The following TOMM70 variants were observed in gnomAD, a reference collection of about 807,000 sequenced individuals.
TOMM70 encodes mitochondrial import receptor subunit TOM70.
In TOMM70, 13 loss-of-function variants were observed where a neutral mutation model predicts 73.6. That is an observed-to-expected ratio of 0.18 (90% CI 0.11 to 0.28). The LOEUF (loss-of-function observed/expected upper bound fraction) is 0.28, where lower values mean the gene tolerates loss of function less well. Among genes scored for constraint, TOMM70 ranks in the 10% least tolerant of loss-of-function variants. TOMM70 has a pLI of 1.00. For missense variants in TOMM70, 609 were observed against 747.5 expected, an observed-to-expected ratio of 0.81 and a Z score of 2.16; for synonymous variants, 257 against 271.2, an observed-to-expected ratio of 0.95 and a Z score of 0.51.
intron 1 of TOMM70, among the ~76,000 whole-genome samples, chr3:100,391,516 A>AT (rs1302008301): frequency 3.3e-5 from 5 of 151,892 alleles, no homozygotes; most frequent in Non-Finnish European, 5.9e-5. Flanking sequence ...AAAAAAAAAA[A>AT]TTTTTTTAAT....
intron 1 of TOMM70, among the ~76,000 whole-genome samples, chr3:100,390,111 CATTAAA>C (rs1319524113): frequency 4.6e-5 from 7 of 152,082 alleles, no homozygotes; most frequent in East Asian, 1.9e-4. Context: ...GACAAAAGGT[CATTAAA>C]GTTAAAGACA....
At chr3:100,374,249 C>T (rs552439545) in intron 7 of TOMM70, among the ~76,000 whole-genome samples, 10 of 152,282 alleles carry the variant, frequency 6.6e-5, no homozygotes, top group Admixed American at 2.6e-4. Context: ...ATGCTATACA[C>T]GTTTGTAGCT....
chr3:100,391,233 A>C (rs993874487), intron 1 of TOMM70, among the ~76,000 whole-genome samples: 1 of 152,230 alleles, frequency 6.6e-6, no homozygotes. Context: ...TGTTTACTAT[A>C]CATATACTAT....
chr3:100,390,729 T>TGG (rs1418538993), intron 1 of TOMM70, among the ~76,000 whole-genome samples: 3 of 151,974 alleles, frequency 2.0e-5, no homozygotes, highest in African/African-American at 7.3e-5. Flanking sequence ...CTCAGAAGGC[T>TGG]GAGTCAGGAG....
intron 9 of TOMM70, among the ~76,000 whole-genome samples, chr3:100,370,425 T>G (rs1395117616): frequency 1.3e-5 from 2 of 152,194 alleles, no homozygotes; most frequent in Non-Finnish European, 2.9e-5. Context: ...CTGTTAACAT[T>G]TAGGATTTTC....
chr3:100,368,313 G>GT (rs922063538), intron 10 of TOMM70, 147 bp from the exon 11 acceptor site: 113 of 1,001,852 alleles, frequency 1.1e-4, no homozygotes, highest in Admixed American at 2.3e-4. Context: ...ATCAAATTGT[G>GT]TTTTTTTTCT....
rs756203690 is a variant in TOMM70, at chr3:100,400,681, G to C, written c.269C>G (p.Ala90Gly). Residue 90 changes from alanine (A) to glycine (G), a missense_variant, in exon 1 of 12, where the codon GCC becomes GGC. Transcript: ENST00000284320. Reference protein sequence around the residue: ...NSERKTPEGRASPAPGSGHPE... With the variant: ...NSERKTPEGRGSPAPGSGHPE... ...GTGTCCGCTGCCCGGGGCCGGACTGGCCCTGCCCTCCGGGGTCTTCCGTTC... is the reference window on the plus strand; with the variant it reads ...GTGTCCGCTGCCCGGGGCCGGACTGCCCCTGCCCTCCGGGGTCTTCCGTTC... The C allele has an allele frequency of 6.2e-7, 1 of 1,612,198 alleles. No homozygotes were observed. The highest frequency in any genetic ancestry group is 8.5e-7 in the Non-Finnish European group (1 of 1,179,720).
chr3:100,393,162 G>C (rs1706782055), intron 1 of TOMM70, among the ~76,000 whole-genome samples: 2 of 148,402 alleles, frequency 1.3e-5, no homozygotes, highest in African/African-American at 5.0e-5. Flanking sequence ...GGCAACAAGA[G>C]TGAAACTCTG....
chr3:100,394,148 T>C (rs1706794155), intron 1 of TOMM70, among the ~76,000 whole-genome samples: 1 of 152,172 alleles, frequency 6.6e-6, no homozygotes, highest in South Asian at 2.1e-4. Flanking sequence ...AAAATGGGTA[T>C]TAATTTGTCA....
At chr3:100,387,826 G>GGGTTTT (rs1440642500) in intron 1 of TOMM70, among the ~76,000 whole-genome samples, 1 of 151,906 alleles carries the variant, frequency 6.6e-6, no homozygotes, top group Non-Finnish European at 1.5e-5. Context: ...AGTAGAGATG[G>GGGTTTT]GGTTTTGCCA....
chr3:100,395,058 A>G (rs368567021), intron 1 of TOMM70, among the ~76,000 whole-genome samples: 4 of 152,282 alleles, frequency 2.6e-5, no homozygotes, highest in African/African-American at 9.6e-5. Context: ...GATTTACAAA[A>G]AGTATGCCCA....
chr3:100,378,004 T>C (rs906395177), intron 5 of TOMM70, 92 bp from the exon 6 acceptor site: 19 of 1,134,724 alleles, frequency 1.7e-5, no homozygotes, highest in Non-Finnish European at 2.4e-5. Context: ...CCCAGCACTT[T>C]GGGAGGCCGA....
intron 1 of TOMM70, among the ~76,000 whole-genome samples, chr3:100,399,959 A>T (rs530457238): frequency 2.1e-4 from 32 of 152,188 alleles, no homozygotes; most frequent in African/African-American, 6.0e-4. Flanking sequence ...GAGTGCTTGC[A>T]GCCAAGGGGG....
intron 9 of TOMM70, among the ~76,000 whole-genome samples, chr3:100,370,545 C>T (rs2148889083): frequency 6.6e-6 from 1 of 152,232 alleles, no homozygotes; most frequent in South Asian, 2.1e-4. Context: ...AAATGGAAGG[C>T]ACAGTTCTGT....
At chr3:100,399,748 T>C (rs943584062) in intron 1 of TOMM70, among the ~76,000 whole-genome samples, 6 of 151,210 alleles carry the variant, frequency 4.0e-5, no homozygotes, top group African/African-American at 1.5e-4. Context: ...TTTTTTTTTT[T>C]TTTTTTGTAT....
At chr3:100,395,379 C>A (rs1159068543) in intron 1 of TOMM70, among the ~76,000 whole-genome samples, 1 of 150,280 alleles carries the variant, frequency 6.7e-6, no homozygotes, top group Non-Finnish European at 1.5e-5. Flanking sequence ...AAAAAACAAA[C>A]AAAAAAACCC....
chr3:100,367,617 A>G (rs1363276420), intron 11 of TOMM70, among the ~76,000 whole-genome samples: 7 of 152,222 alleles, frequency 4.6e-5, no homozygotes, highest in Non-Finnish European at 1.0e-4. Context: ...GGAAACTCAA[A>G]TGAATGGCAA....
intron 11 of TOMM70, among the ~76,000 whole-genome samples, chr3:100,367,221 A>G (rs963119920): frequency 5.9e-5 from 9 of 152,156 alleles, no homozygotes; most frequent in African/African-American, 1.9e-4. Context: ...TCATAAAAAG[A>G]AGAAAAAAAA....
rs149008143 is a variant in TOMM70 at position 100,386,869 on chromosome 3, G to A, written c.434C>T (p.Pro145Leu). 1 of 1,614,084 alleles carries A rather than the reference G, an allele frequency of 6.2e-7. No homozygotes were observed. Among genetic ancestry groups the A allele is most frequent in the African/African-American group, 1.3e-5 (1 of 75,044 alleles). ...AGAAAGGTCAACATTCTTCTCTGTA[G>A]GGCACAAGCTAATAGCCTCAGTATA... Reference protein sequence around the residue: ...QCYTEAISLCPTEKNVDLSTF... With the variant: ...QCYTEAISLCLTEKNVDLSTF... The change falls in exon 2 of 12, where the codon CCT becomes CTT. Residue 145 changes from proline (P) to leucine (L), a missense_variant. Pro to Leu is a moderately conservative substitution (Grantham distance 98). This residue lies in a region of TOMM70 where 432 missense variants were observed against 584.1 expected (regional missense o/e 0.74). Transcript: ENST00000284320.
Sources: allele counts gnomAD v4.1 joint callset (sites outside exome capture counted in the v4.1 genomes callset), GRCh38; gene constraint gnomAD v4.1.1; regional missense constraint gnomAD v4.1.1; transcripts MANE v1.5; gene names NCBI Gene and HGNC (gene_info 2026-07-23, HGNC 2026-07-21).